Variants in FGF12 observed in about 807,000 individuals in gnomAD.
FGF12 encodes fibroblast growth factor 12B.
A neutral mutation model predicts 23.6 loss-of-function variants in FGF12; 14 were observed. The ratio of observed to expected loss-of-function variants is 0.59; its 90% CI spans 0.39 to 0.93. The LOEUF is 0.93. Ranked by LOEUF, FGF12 falls within the 40% of genes least tolerant of loss-of-function variation. The pLI, the probability that FGF12 is intolerant of heterozygous loss-of-function variation, is 0.00. For missense variants in FGF12, 175 were observed against 217.8 expected, an observed-to-expected ratio of 0.80 and a Z score of 1.24; for synonymous variants, 62 against 77.3, an observed-to-expected ratio of 0.80 and a Z score of 1.04.
chr3:192,621,798 G>T (rs192893590), intron 2 of FGF12, among the ~76,000 whole-genome samples: 60 of 151,306 alleles, frequency 4.0e-4, no homozygotes, highest in African/African-American at 1.4e-3. Flanking sequence ...AATCTGGAAA[G>T]CTTGGCAAGA....
chr3:192,256,925 C>T (rs931560548), intron 4 of FGF12, among the ~76,000 whole-genome samples: 7 of 152,062 alleles, frequency 4.6e-5, no homozygotes, highest in Admixed American at 1.3e-4. Context: ...TTTTCACCAT[C>T]GCTAGTTTCC....
chr3:192,433,011 C>G (rs1576978128), intron 2 of FGF12, among the ~76,000 whole-genome samples: 2 of 152,066 alleles, frequency 1.3e-5, no homozygotes, highest in Non-Finnish European at 2.9e-5. Flanking sequence ...GGAATGGTAC[C>G]CTTCAGATCG....
intron 4 of FGF12, among the ~76,000 whole-genome samples, chr3:192,227,671 A>T (rs1042799108): frequency 6.6e-6 from 1 of 152,030 alleles, no homozygotes; most frequent in Admixed American, 6.6e-5. Context: ...ATGAAATTGA[A>T]GGAAAAATTG....
At chr3:192,325,048 T>C (rs1420635544) in intron 4 of FGF12, among the ~76,000 whole-genome samples, 1 of 152,194 alleles carries the variant, frequency 6.6e-6, no homozygotes, top group East Asian at 1.9e-4. Context: ...TTACTGTTAA[T>C]CCTTACTGAA....
intron 2 of FGF12, among the ~76,000 whole-genome samples, chr3:192,368,502 A>G (rs1231750441): frequency 6.6e-6 from 1 of 152,164 alleles, no homozygotes; most frequent in South Asian, 2.1e-4. Flanking sequence ...ACCATTAAGG[A>G]TATCTAACAG....
chr3:192,457,062 G>C (rs1005685538), intron 2 of FGF12, among the ~76,000 whole-genome samples: 2 of 152,124 alleles, frequency 1.3e-5, no homozygotes, highest in African/African-American at 4.8e-5. Context: ...AGGGGTTTCC[G>C]CTTTTGCATC....
At chr3:192,149,303 C>T (rs1429968646) in intron 5 of FGF12, among the ~76,000 whole-genome samples, 1 of 136,008 alleles carries the variant, frequency 7.4e-6, no homozygotes, top group Non-Finnish European at 1.6e-5. Context: ...GAATGACTGG[C>T]AGCATTTGAA....
chr3:192,296,350 A>G (rs1442020804), intron 4 of FGF12, among the ~76,000 whole-genome samples: 3 of 151,160 alleles, frequency 2.0e-5, no homozygotes, highest in Non-Finnish European at 2.9e-5. Context: ...CAGCCTTCCC[A>G]GTAGCTGGGA....
At chr3:192,308,448 CG>C (rs1715766641) in intron 4 of FGF12, among the ~76,000 whole-genome samples, 1 of 152,038 alleles carries the variant, frequency 6.6e-6, no homozygotes, top group South Asian at 2.1e-4. Flanking sequence ...GAGGCCGAGG[CG>C]GGCAGATCAC....
chr3:192,384,106 G>A (rs1479942405), intron 2 of FGF12, among the ~76,000 whole-genome samples: 1 of 152,094 alleles, frequency 6.6e-6, no homozygotes, highest in East Asian at 1.9e-4. Context: ...CATAAATGAG[G>A]GCTGAAAAGT....
intron 4 of FGF12, among the ~76,000 whole-genome samples, chr3:192,289,330 A>C (rs73066504): frequency 0.018 from 2,721 of 152,292 alleles, 74 homozygotes; most frequent in African/African-American, 0.061. Context: ...TAAATACATC[A>C]ATAATTTCAG....
At chr3:192,366,540 T>C (rs1045718584) in intron 2 of FGF12, among the ~76,000 whole-genome samples, 4 of 152,212 alleles carry the variant, frequency 2.6e-5, no homozygotes, top group Non-Finnish European at 5.9e-5. Flanking sequence ...GCATAACAAC[T>C]AACTGTATGA....
At chr3:192,468,365 C>T (rs758790177) in intron 2 of FGF12, among the ~76,000 whole-genome samples, 1 of 152,200 alleles carries the variant, frequency 6.6e-6, no homozygotes, top group Non-Finnish European at 1.5e-5. Flanking sequence ...GAATCCTATC[C>T]AGGATCCAAA....
At chr3:192,415,631 T>C (rs1277827358) in intron 2 of FGF12, among the ~76,000 whole-genome samples, 2 of 151,830 alleles carry the variant, frequency 1.3e-5, no homozygotes, top group African/African-American at 4.8e-5. Flanking sequence ...AAATCTGATA[T>C]CCTCAGAGGG....
intron 4 of FGF12, among the ~76,000 whole-genome samples, chr3:192,288,023 C>G (rs535883017): frequency 6.6e-6 from 1 of 151,826 alleles, no homozygotes; most frequent in African/African-American, 2.4e-5. Flanking sequence ...AGGCACTAAT[C>G]ACTAATCACT....
At chr3:192,188,511 A>AT (rs1448673489) in intron 4 of FGF12, among the ~76,000 whole-genome samples, 3 of 152,076 alleles carry the variant, frequency 2.0e-5, no homozygotes, top group Non-Finnish European at 2.9e-5. Flanking sequence ...TATCTATTTC[A>AT]TTTTTTCTTT....
At chr3:192,264,524 G>A (rs892942690) in intron 4 of FGF12, among the ~76,000 whole-genome samples, 1 of 151,960 alleles carries the variant, frequency 6.6e-6, no homozygotes, top group Admixed American at 6.6e-5. Context: ...AATTCAAAGA[G>A]CGTAATTAAA....
chr3:192,141,698 T>A lies in FGF12; in HGVS notation c.*2311A>T, dbSNP rs2108572819. On this transcript the variant is annotated 3_prime_UTR_variant, in exon 6 of 6. Transcript: ENST00000445105. ...GTGATTCATATCTCTATTTTTTTCA[T>A]AACAAACTTAATTAAATATATTTTG... is the stretch of plus-strand genomic sequence containing the variant. 6.6e-6 allele frequency: 1 copy of A among 152,168 alleles called. No homozygotes were observed. 9.4% of individuals were successfully genotyped at this position (152,168 alleles called of 1,614,324 possible). A position where few individuals can be genotyped will look rare whatever the true frequency, so the allele number is the denominator to read the frequency against.
At chr3:192,702,394 C>T (rs1237439449) in intron 2 of FGF12, among the ~76,000 whole-genome samples, 1 of 152,086 alleles carries the variant, frequency 6.6e-6, no homozygotes, top group East Asian at 1.9e-4. Context: ...AGAAATTCAC[C>T]TTGAAAATAT....
Sources: gnomAD v4.1 joint callset for allele counts (sites outside exome capture counted in the v4.1 genomes callset) on GRCh38, gnomAD v4.1.1 for gene constraint, MANE v1.5 for transcripts, NCBI Gene and HGNC (gene_info 2026-07-23, HGNC 2026-07-21) for gene names.